ANXA4: variants seen among roughly 807,000 people sequenced by gnomAD.
ANXA4 encodes the protein annexin A4.
Under a neutral mutation model 49.8 loss-of-function variants are expected in ANXA4, and 39 were observed. That is an observed-to-expected ratio of 0.78 (90% CI 0.61 to 1.02). The LOEUF (loss-of-function observed/expected upper bound fraction) is 1.02. Among genes scored for constraint, ANXA4 ranks in the 50% least tolerant of loss-of-function variants. The pLI is 0.00. For missense variants in ANXA4, 360 were observed against 410.1 expected (o/e 0.88, Z 1.05); for synonymous variants, 134 against 152.5 (o/e 0.88, Z 0.89).
At chr2:69,681,333 G>A (rs1218314865) in intron 2 of ANXA4, among the ~76,000 whole-genome samples, 2 of 150,984 alleles carry the variant, frequency 1.3e-5, no homozygotes, top group Non-Finnish European at 2.9e-5. Flanking sequence ...TATTTCTGTG[G>A]CATCAGTTAC....
chr2:69,720,493 G>T (rs1320472329), intron 2 of ANXA4, among the ~76,000 whole-genome samples: 1 of 152,192 alleles, frequency 6.6e-6, no homozygotes, highest in African/African-American at 2.4e-5. Flanking sequence ...AGGATGGAGG[G>T]CTCTGCATGG....
At chr2:69,741,354 AGGG>A (rs1670389449), upstream of ANXA4, among the ~76,000 whole-genome samples, 1 of 152,346 alleles carries the variant, frequency 6.6e-6, no homozygotes, top group Non-Finnish European at 1.5e-5. Context: ...TGCGTCCAGC[AGGG>A]GAAGCAGATA....
intron 1 of ANXA4, among the ~76,000 whole-genome samples, chr2:69,743,769 C>A (rs1670502626): frequency 1.3e-5 from 2 of 152,162 alleles, no homozygotes; most frequent in Admixed American, 1.3e-4. Context: ...ACTACTGGAT[C>A]AAGGGCTTCT....
chr2:69,702,136 T>G (rs575238405), intron 2 of ANXA4, among the ~76,000 whole-genome samples: 1 of 150,010 alleles, frequency 6.7e-6, no homozygotes, highest in South Asian at 2.1e-4. Flanking sequence ...CTCAGCCTCC[T>G]GAGCAGCTGT....
intron 6 of ANXA4, chr2:69,809,822 G>A (rs1330505310): frequency 6.6e-6 from 1 of 152,198 alleles, no homozygotes; most frequent in Non-Finnish European, 1.5e-5. Context: ...CCAAGTGAGA[G>A]ACGTGGCAGA....
intron 6 of ANXA4, chr2:69,808,967 T>G (rs1434084661): frequency 6.6e-6 from 1 of 152,284 alleles, no homozygotes; most frequent in East Asian, 1.9e-4. Context: ...TGGCCAAGAA[T>G]ACTATTAAAA....
At chr2:69,825,408 G>A in intron 12 of ANXA4, 48 bp from the exon 13 acceptor site, 1 of 1,517,392 alleles carries the variant, frequency 6.6e-7, no homozygotes, top group Non-Finnish European at 9.0e-7. Flanking sequence ...TGAACTGTGT[G>A]TTTCATTTTA....
intron 2 of ANXA4, among the ~76,000 whole-genome samples, chr2:69,691,678 G>A (rs889749706): frequency 1.3e-5 from 2 of 152,058 alleles, no homozygotes; most frequent in Non-Finnish European, 2.9e-5. Context: ...AGAGAGCTGT[G>A]GAACACAATT....
intron 3 of ANXA4, among the ~76,000 whole-genome samples, chr2:69,804,159 A>AAAAAC (rs869141655): frequency 4.8e-4 from 69 of 145,246 alleles, no homozygotes; most frequent in African/African-American, 1.8e-3. Context: ...AAAAAAAAAA[A>AAAAAC]TATTCTAGAG....
At position 69,656,431 on chromosome 2, in the gene ANXA4, A is replaced by G. The variant is rs917108763; in HGVS notation, n.766+3149A>G. Among the ~76,000 whole-genome samples, 12 of 143,136 alleles carry G rather than the reference A, an allele frequency of 8.4e-5. 1 individual carries two copies. Among genetic ancestry groups the G allele is most frequent in the South Asian group, 4.2e-4 (2 of 4,740 alleles). The allele number at this position is 143,136 out of a possible 152,430, so 93.9% of individuals were successfully genotyped here. ...TATATGTATATATATATGTGTGTGT[A>G]TATATATATATGATACTTGGTCATA... On this transcript the variant is annotated intron_variant and non_coding_transcript_variant, in intron 2 of 3. Transcript: ENST00000418066.
At chr2:69,740,480 G>T (rs907103283), upstream of ANXA4, among the ~76,000 whole-genome samples, 2 of 151,988 alleles carry the variant, frequency 1.3e-5, no homozygotes, top group East Asian at 3.9e-4. Context: ...TTGAGACAAG[G>T]TCTCACCCTG....
chr2:69,657,281 A>C (rs539432067), intron 2 of ANXA4, among the ~76,000 whole-genome samples: 6 of 152,094 alleles, frequency 3.9e-5, no homozygotes, highest in Admixed American at 3.9e-4. Context: ...AGCATGAGCC[A>C]CCGTGCCCAG....
chr2:69,769,087 C>A (rs1423645166), intron 1 of ANXA4, among the ~76,000 whole-genome samples: 2 of 152,224 alleles, frequency 1.3e-5, no homozygotes, highest in African/African-American at 4.8e-5. Flanking sequence ...TTCATTATAT[C>A]TGAAGCAAGT....
At chr2:69,688,210 T>C (rs1023309743) in intron 2 of ANXA4, among the ~76,000 whole-genome samples, 4 of 152,260 alleles carry the variant, frequency 2.6e-5, no homozygotes, top group Non-Finnish European at 5.9e-5. Context: ...GTCTGAATTT[T>C]TAAAAATTGC....
Position 69,805,046 on chromosome 2 carries a change from C to CAAAAAAAAAAA in ANXA4, c.192+435_192+445dup, listed in dbSNP as rs60172949. 4.7e-4 allele frequency among the ~76,000 whole-genome samples: 17 copies of CAAAAAAAAAAA among 35,878 alleles called. 2 individuals are homozygous for CAAAAAAAAAAA. Among genetic ancestry groups the CAAAAAAAAAAA allele is most frequent in the African/African-American group, 8.5e-4 (11 of 12,928 alleles). The allele number at this position is 35,878 out of a possible 152,430, so 23.5% of individuals were successfully genotyped here. On this transcript the variant is annotated intron_variant, in intron 4 of 12. Coordinates refer to ENST00000394295, the MANE Select transcript of ANXA4 (RefSeq NM_001153.5). The stretch of plus-strand genomic sequence containing the variant: ...TGGGCAACAGAGACAGACTCCATCT[C>CAAAAAAAAAAA]AAAAAAAAAAAAAAAAAAAAAAAAA...
chr2:69,665,247 C>T (rs1004122628), intron 2 of ANXA4, among the ~76,000 whole-genome samples: 2 of 152,150 alleles, frequency 1.3e-5, no homozygotes. Flanking sequence ...CGGCAGAGAT[C>T]ACGTGAACAG....
intron 1 of ANXA4, among the ~76,000 whole-genome samples, chr2:69,744,408 A>G (rs1002012574): frequency 3.3e-5 from 5 of 152,248 alleles, no homozygotes; most frequent in African/African-American, 1.2e-4. Flanking sequence ...TTATACTAAA[A>G]CAATCACAGA....
rs938921442 is a variant in ANXA4, at chr2:69,807,776, A to G, written c.307-130A>G. ...TCGGGTGGGACAATAAAAGTGAACA[A>G]ACCCTGTTGTTAGAACGCAGTGGAT... On this transcript the variant is annotated intron_variant, in intron 5 of 12. Transcript: ENST00000394295. The G allele has an allele frequency of 1.8e-5, 13 of 738,754 alleles. No individual in the cohort carries two copies. The Middle Eastern group carries it at 1.2e-3, about 68-fold the overall frequency. 45.8% of individuals were successfully genotyped at this position (738,754 alleles called of 1,614,324 possible). A position where few individuals can be genotyped will look rare whatever the true frequency, so the allele number is the denominator to read the frequency against.
At chr2:69,817,908 C>G (rs1263623194) in intron 9 of ANXA4, 1 of 152,194 alleles carries the variant, frequency 6.6e-6, no homozygotes, top group African/African-American at 2.4e-5. Context: ...GGGTCAACTG[C>G]TCACGTGTTT....
Sources: allele counts gnomAD v4.1 joint callset (sites outside exome capture counted in the v4.1 genomes callset), GRCh38; gene constraint gnomAD v4.1.1; transcripts MANE v1.5; gene names NCBI Gene and HGNC (gene_info 2026-07-23, HGNC 2026-07-21).